BCKDHB: variants seen among roughly 807,000 people sequenced by gnomAD.
BCKDHB encodes 2-oxoisovalerate dehydrogenase subunit beta, mitochondrial.
BCKDHB carries 41 observed loss-of-function variants against 48.5 expected under a neutral mutation model. The observed-to-expected ratio is 0.85, with a 90% CI of 0.66 to 1.10. The LOEUF is 1.10. BCKDHB is among the 50% of genes least tolerant of loss of function. BCKDHB has a pLI of 0.00. For missense variants in BCKDHB, 496 were observed against 494.2 expected, an observed-to-expected ratio of 1.00 and a Z score of -0.03; for synonymous variants, 201 against 174.8, an observed-to-expected ratio of 1.15 and a Z score of -1.18.
At chr6:80,434,119 G>A in the BCKDHB span, among the ~76,000 whole-genome samples, 2 of 150,860 alleles carry the variant, frequency 1.3e-5, no homozygotes, top group Admixed American at 6.6e-5. Flanking sequence ...AACTGTTTTG[G>A]GTTAACAATT....
intron 6 of BCKDHB, among the ~76,000 whole-genome samples, chr6:80,187,860 C>T (rs868087574): frequency 2.6e-5 from 4 of 152,108 alleles, no homozygotes; most frequent in African/African-American, 9.7e-5. Flanking sequence ...GAAAAGGGAA[C>T]ATTTATACAC....
intron 3 of BCKDHB, among the ~76,000 whole-genome samples, chr6:80,160,434 A>T (rs1772258006): frequency 6.6e-6 from 1 of 152,198 alleles, no homozygotes; most frequent in African/African-American, 2.4e-5. Flanking sequence ...CTGGGATTAC[A>T]GGCCTGAACC....
Position 80,221,404 on chromosome 6 carries a change from C to T in BCKDHB, c.951+18192C>T, listed in dbSNP as rs925057884. On this transcript the variant is annotated intron_variant, in intron 8 of 9. Coordinates refer to ENST00000320393, the MANE Select transcript of BCKDHB (RefSeq NM_183050.4). ...GAGAAAAGGGACATGAAAGCGTATA[C>T]TCAGTCTGTCATCTTGAACTGGAAA... is the stretch of plus-strand genomic sequence containing the variant. Among the ~76,000 whole-genome samples the T allele has an allele frequency of 3.0e-4, 45 of 152,178 alleles. 1 individual carries two copies. The highest frequency in any genetic ancestry group is 2.2e-3 in the Admixed American group (33 of 15,280).
the BCKDHB span, among the ~76,000 whole-genome samples, chr6:80,422,986 TG>T: frequency 2.0e-5 from 3 of 152,162 alleles, no homozygotes; most frequent in Non-Finnish European, 4.4e-5. Context: ...ATGAAATTTT[TG>T]AGGGGTTAGG....
At chr6:80,230,120 G>A (rs923050241) in intron 8 of BCKDHB, among the ~76,000 whole-genome samples, 2 of 122,888 alleles carry the variant, frequency 1.6e-5, no homozygotes, top group Non-Finnish European at 3.2e-5. Context: ...CTCACTGCAA[G>A]CTCCGCCTCT....
chr6:80,107,273 G>A (rs891139556), intron 1 of BCKDHB, among the ~76,000 whole-genome samples: 5 of 142,300 alleles, frequency 3.5e-5, no homozygotes, highest in Admixed American at 2.3e-4. Flanking sequence ...ACTAGCTTAG[G>A]TAGAGGCATT....
chr6:80,335,224 T>G (rs1348401888), intron 9 of BCKDHB, among the ~76,000 whole-genome samples: 1 of 105,558 alleles, frequency 9.5e-6, no homozygotes, highest in African/African-American at 3.4e-5. Context: ...GATGAAGAAT[T>G]TTGTGGGAAA....
At chr6:80,403,561 G>A in the BCKDHB span, among the ~76,000 whole-genome samples, 15 of 151,824 alleles carry the variant, frequency 9.9e-5, no homozygotes, top group East Asian at 3.9e-4. Context: ...TAATGTTGGC[G>A]GCTTTTGTTT....
At chr6:80,162,914 T>G (rs559595848) in intron 3 of BCKDHB, among the ~76,000 whole-genome samples, 1 of 151,518 alleles carries the variant, frequency 6.6e-6, no homozygotes, top group East Asian at 1.9e-4. Flanking sequence ...CCCTTTCTCT[T>G]CTCTTCTCTC....
At chr6:80,123,522 T>C (rs1770163617) in intron 1 of BCKDHB, among the ~76,000 whole-genome samples, 1 of 152,198 alleles carries the variant, frequency 6.6e-6, no homozygotes, top group African/African-American at 2.4e-5. Flanking sequence ...CATCTGGTCC[T>C]GGACTTTTTT....
chr6:80,138,207 G>A (rs536515962), intron 3 of BCKDHB, among the ~76,000 whole-genome samples: 2 of 152,178 alleles, frequency 1.3e-5, no homozygotes, highest in Admixed American at 6.6e-5. Context: ...CTAAAACCCA[G>A]TTCTAGGATT....
At chr6:80,211,614 T>TA (rs1337407468) in intron 8 of BCKDHB, among the ~76,000 whole-genome samples, 1 of 152,196 alleles carries the variant, frequency 6.6e-6, no homozygotes, top group East Asian at 1.9e-4. Flanking sequence ...TACAAGAATT[T>TA]ACCTGATTTC....
chr6:80,309,546 A>G (rs2127995901), intron 9 of BCKDHB, among the ~76,000 whole-genome samples: 1 of 152,308 alleles, frequency 6.6e-6, no homozygotes, highest in South Asian at 2.1e-4. Flanking sequence ...TATTTTAACA[A>G]AAGAGTAAGT....
At chr6:80,398,753 TA>T in the BCKDHB span, among the ~76,000 whole-genome samples, 1 of 151,332 alleles carries the variant, frequency 6.6e-6, no homozygotes, top group South Asian at 2.1e-4. Flanking sequence ...AGGCCAGAAT[TA>T]TCTTGATACC....
intron 3 of BCKDHB, among the ~76,000 whole-genome samples, chr6:80,143,386 A>G (rs1771319084): frequency 6.6e-6 from 1 of 152,162 alleles, no homozygotes; most frequent in Non-Finnish European, 1.5e-5. Context: ...ATGCAGTTAT[A>G]AAGTCACATA....
intron 8 of BCKDHB, among the ~76,000 whole-genome samples, chr6:80,225,629 T>G (rs1775647109): frequency 6.6e-6 from 1 of 152,218 alleles, no homozygotes; most frequent in Admixed American, 6.5e-5. Context: ...TTTGTATCTG[T>G]GAAAGATTGC....
chr6:80,149,910 A>C lies in BCKDHB; in HGVS notation c.344-17768A>C, dbSNP rs139741025. ...GAGTTAATGGGTGCAGCATACCAGC[A>C]TGGCACATATATACATATGTAACTA... is the stretch of plus-strand genomic sequence containing the variant. On this transcript the variant is annotated intron_variant, in intron 3 of 9. Transcript: ENST00000320393. Among the ~76,000 whole-genome samples the C allele has an allele frequency of 2.4e-3, 369 of 152,070 alleles. 1 individual carries two copies. The highest frequency in any genetic ancestry group is 4.1e-3 in the Non-Finnish European group (278 of 67,982).
intron 8 of BCKDHB, among the ~76,000 whole-genome samples, chr6:80,231,371 T>G (rs1582405039): frequency 6.6e-6 from 1 of 152,338 alleles, no homozygotes; most frequent in Non-Finnish European, 1.5e-5. Context: ...AATGTTATTA[T>G]GTATTATAAA....
chr6:80,398,685 C>T, the BCKDHB span, among the ~76,000 whole-genome samples: 7 of 147,786 alleles, frequency 4.7e-5, no homozygotes, highest in Non-Finnish European at 1.0e-4. Flanking sequence ...ACTATTCCTA[C>T]TAAAACTTTT....
Sources: gnomAD v4.1 joint callset for allele counts (sites outside exome capture counted in the v4.1 genomes callset) on GRCh38, gnomAD v4.1.1 for gene constraint, MANE v1.5 for transcripts, NCBI Gene and HGNC (gene_info 2026-07-23, HGNC 2026-07-21) for gene names.